Variants in PIP4K2B observed in about 807,000 individuals in gnomAD.
PIP4K2B encodes phosphatidylinositol-5-phosphate 4-kinase type 2 beta.
PIP4K2B carries 3 observed loss-of-function variants against 42.0 expected under a neutral mutation model. That is an observed-to-expected ratio of 0.07 (90% CI 0.03 to 0.18). PIP4K2B has a LOEUF of 0.18. Ranked by LOEUF, PIP4K2B falls within the 10% of genes least tolerant of loss-of-function variation. The probability of loss-of-function intolerance (pLI) is 1.00; values close to 1 mark genes in which losing one functional copy is unlikely to be tolerated. For synonymous variants in PIP4K2B, 204 were observed against 210.1 expected, an observed-to-expected ratio of 0.97 and a Z score of 0.25; for missense variants, 332 against 562.3, an observed-to-expected ratio of 0.59 and a Z score of 4.14.
In PIP4K2B at chr17:38,778,414, A is replaced by C. The variant is rs1909489741; in HGVS notation, c.655-42T>G. The stretch of plus-strand genomic sequence containing the variant: ...CATCAGGGGAAGTCAAGCTGAGGCA[A>C]AGTCGACTGCATGAGCAAACATGGG... On this transcript the variant is annotated intron_variant, in intron 5 of 9. Transcript: ENST00000619039. The C allele has an allele frequency of 1.9e-6, 3 of 1,593,180 alleles. No individual in the cohort carries two copies. The African/African-American group carries it at 4.0e-5, about 21-fold the overall frequency.
chr17:38,769,514 C>T lies in PIP4K2B; in HGVS notation c.*177G>A, dbSNP rs1486631672. ...GAGCAGGTGCACACACAGCACATCC[C>T]CCTCCTCTTCAGCTAAAGTCTCTTT... is the stretch of plus-strand genomic sequence containing the variant. On this transcript the variant is annotated 3_prime_UTR_variant, in exon 10 of 10. Coordinates refer to ENST00000619039, the MANE Select transcript of PIP4K2B (RefSeq NM_003559.5). 8 of 643,332 alleles carry T rather than the reference C, an allele frequency of 1.2e-5. No homozygotes were observed. Among genetic ancestry groups the T allele is most frequent in the Non-Finnish European group, 2.3e-5 (8 of 354,038 alleles). 39.9% of individuals were successfully genotyped at this position (643,332 alleles called of 1,614,324 possible).
intron 8 of PIP4K2B, 23 bp from the exon 9 acceptor site, chr17:38,770,562 G>T (rs1425722974): frequency 5.9e-6 from 8 of 1,363,442 alleles, no homozygotes; most frequent in Non-Finnish European, 8.4e-6. Context: ...GGAGAGCAGG[G>T]AAGAAGGAAG....
chr17:38,789,062 T>C (rs1298062813), intron 1 of PIP4K2B, among the ~76,000 whole-genome samples: 1 of 152,050 alleles, frequency 6.6e-6, no homozygotes, highest in Non-Finnish European at 1.5e-5. Context: ...GAGGTTACAG[T>C]GAGCTGACTG....
At chr17:38,772,621 C>T (rs1909108974) in intron 7 of PIP4K2B, among the ~76,000 whole-genome samples, 1 of 152,140 alleles carries the variant, frequency 6.6e-6, no homozygotes, top group Admixed American at 6.6e-5. Context: ...CTTGCTCTGT[C>T]ACCAGGCTAG....
At chr17:38,770,975 G>A (rs1366886348) in intron 8 of PIP4K2B, 39 bp downstream of exon 8, 2 of 1,610,964 alleles carry the variant, frequency 1.2e-6, no homozygotes, top group East Asian at 4.5e-5. Flanking sequence ...GGTAGGATGA[G>A]GGCAGGGCTG....
chr17:38,781,418 G>A (rs1440985743), intron 3 of PIP4K2B, among the ~76,000 whole-genome samples: 1 of 152,080 alleles, frequency 6.6e-6, no homozygotes, highest in South Asian at 2.1e-4. Context: ...AACGGTGAGG[G>A]GAGATCCCAA....
In PIP4K2B at chr17:38,799,224, C is replaced by A. The variant is rs536083378; in HGVS notation, c.159+42G>T. 2.0e-6 allele frequency: 3 copies of A among 1,536,368 alleles called. No individual in the cohort carries two copies. Among genetic ancestry groups the A allele is most frequent in the Non-Finnish European group, 2.6e-6 (3 of 1,147,590 alleles). On this transcript the variant is annotated intron_variant, in intron 1 of 9. Coordinates refer to ENST00000619039, the MANE Select transcript of PIP4K2B (RefSeq NM_003559.5). The surrounding 1 kb of genome is among the most constrained non-coding windows in gnomAD (Gnocchi z 4.4). ...CCCAGGGCTGCAGGGGGCGTGGGAG[C>A]GCGCGGGGCCGCGCTCAGAGGGGCG...
chr17:38,769,580 A>C lies in PIP4K2B; in HGVS notation c.*111T>G. ...CAGTCTCATTGCTAAAGCCCTCCCAAACCCGACTCTGCTCCCACCCTCCCA... is the reference window on the plus strand; with the variant it reads ...CAGTCTCATTGCTAAAGCCCTCCCACACCCGACTCTGCTCCCACCCTCCCA... On this transcript the variant is annotated 3_prime_UTR_variant, in exon 10 of 10. Transcript: ENST00000619039. The C allele has an allele frequency of 1.3e-6, 1 of 760,356 alleles. No individual in the cohort carries two copies. Among genetic ancestry groups the C allele is most frequent in the Non-Finnish European group, 2.4e-6 (1 of 409,976 alleles). The allele number at this position is 760,356 out of a possible 1,614,324, so 47.1% of individuals were successfully genotyped here. A position where few individuals can be genotyped will look rare whatever the true frequency, so the allele number is the denominator to read the frequency against.
chr17:38,766,210 C>T lies in PIP4K2B; in HGVS notation c.*3481G>A, dbSNP rs1908694807. 1 of 152,300 alleles carries T rather than the reference C, an allele frequency of 6.6e-6. No individual in the cohort carries two copies. The highest frequency in any genetic ancestry group is 6.5e-5 in the Admixed American group (1 of 15,284). The allele number at this position is 152,300 out of a possible 1,614,324, so 9.4% of individuals were successfully genotyped here. A position where few individuals can be genotyped will look rare whatever the true frequency, so the allele number is the denominator to read the frequency against. ...GGCTGGTAGATTGGGGAACAGTTGT[C>T]TGAATGGGTTTTCCCTTTCAGGACC... On this transcript the variant is annotated 3_prime_UTR_variant, in exon 10 of 10. Coordinates refer to ENST00000619039, the MANE Select transcript of PIP4K2B (RefSeq NM_003559.5).
At chr17:38,795,099 CAAAAAAAAAA>C (rs61707682) in intron 1 of PIP4K2B, among the ~76,000 whole-genome samples, 2 of 41,498 alleles carry the variant, frequency 4.8e-5, no homozygotes, top group Non-Finnish European at 8.8e-5. Context: ...AACTCCATCT[CAAAAAAAAAA>C]AAAAAAAAAA....
intron 1 of PIP4K2B, among the ~76,000 whole-genome samples, chr17:38,795,828 C>T (rs1302145266): frequency 6.6e-6 from 1 of 151,450 alleles, no homozygotes; most frequent in East Asian, 1.9e-4. Context: ...CATTAGTTAT[C>T]ACAGAAATGC....
At chr17:38,775,242 C>T (rs750860449) in intron 7 of PIP4K2B, among the ~76,000 whole-genome samples, 50 of 152,064 alleles carry the variant, frequency 3.3e-4, no homozygotes, top group Non-Finnish European at 1.5e-4. Flanking sequence ...CGTGAGCCAC[C>T]GCGCCTAGCT....
intron 7 of PIP4K2B, among the ~76,000 whole-genome samples, chr17:38,773,675 C>T (rs547185628): frequency 1.9e-4 from 29 of 152,180 alleles, no homozygotes; most frequent in Admixed American, 1.9e-3. Context: ...GCTCTATGCA[C>T]GAGCCCAGAA....
chr17:38,769,739 C>G lies in PIP4K2B; in HGVS notation c.1203G>C (p.Glu401Asp), dbSNP rs1181683976. The G allele has an allele frequency of 2.5e-6, 4 of 1,613,266 alleles. No individual in the cohort carries two copies. The highest frequency in any genetic ancestry group is 3.4e-6 in the Non-Finnish European group (4 of 1,179,192). Residue 401 changes from glutamate to aspartate, a missense_variant, in exon 10 of 10, where the codon GAG becomes GAC. By Grantham distance (45) the Glu-to-Asp change is conservative. Transcript: ENST00000619039. ...AGAEISTVNPEQYSKRFNEFM... is the reference protein window; with the variant it reads ...AGAEISTVNPDQYSKRFNEFM... ...ACTCGTTGAAGCGTTTGGAGTACTG[C>G]TCAGGGTTCACAGTCGAGATCTCGG...
chr17:38,783,014 C>T (rs1183112784), intron 3 of PIP4K2B, among the ~76,000 whole-genome samples: 9 of 151,208 alleles, frequency 6.0e-5, no homozygotes, highest in East Asian at 3.9e-4. Context: ...GGTGAAACCC[C>T]GTCTCTACTA....
chr17:38,775,808 A>C (rs1443894033), intron 7 of PIP4K2B, among the ~76,000 whole-genome samples: 2 of 151,716 alleles, frequency 1.3e-5, no homozygotes, highest in South Asian at 2.1e-4. Context: ...CAGTGAGCCG[A>C]GATCGCACCA....
chr17:38,771,831 C>T (rs1195813599), intron 7 of PIP4K2B, among the ~76,000 whole-genome samples: 1 of 152,068 alleles, frequency 6.6e-6, no homozygotes, highest in Non-Finnish European at 1.5e-5. Context: ...GAGTTTGAGA[C>T]CAGCCTCAGC....
rs1474008876 is a variant in PIP4K2B at position 38,767,522 on chromosome 17, AACAT to A, written c.*2165_*2168del. ...ATGTAAACAATATACAAAACACACA[AACAT>A]ACACACACACACACAAACTCAATGT... On this transcript the variant is annotated 3_prime_UTR_variant, in exon 10 of 10. Transcript: ENST00000619039. The A allele has an allele frequency of 6.6e-6, 1 of 152,200 alleles. No homozygotes were observed. Among genetic ancestry groups the A allele is most frequent in the African/African-American group, 2.4e-5 (1 of 41,398 alleles). 9.4% of individuals were successfully genotyped at this position (152,200 alleles called of 1,614,324 possible).
chr17:38,793,329 C>T (rs1003721201), intron 1 of PIP4K2B, among the ~76,000 whole-genome samples: 4 of 151,722 alleles, frequency 2.6e-5, no homozygotes, highest in African/African-American at 9.7e-5. Flanking sequence ...ATGCAACCGC[C>T]GTCTCCCAGG....
Sources: allele counts gnomAD v4.1 joint callset (sites outside exome capture counted in the v4.1 genomes callset), GRCh38; gene constraint gnomAD v4.1.1; non-coding constraint Gnocchi (gnomAD v3.1); transcripts MANE v1.5; gene names NCBI Gene and HGNC (gene_info 2026-07-23, HGNC 2026-07-21).